FAM53A: variants seen among roughly 807,000 people sequenced by gnomAD.
FAM53A encodes the protein family with sequence similarity 53 member A, also known as protein FAM53A.
In FAM53A, 28 loss-of-function variants were observed where a neutral mutation model predicts 26.6. The ratio of observed to expected loss-of-function variants is 1.05; its 90% CI spans 0.78 to 1.45. The LOEUF is 1.45. Among genes scored for constraint, FAM53A ranks in the 40% most tolerant of loss-of-function variants. The pLI is 0.00. For synonymous variants in FAM53A, 290 were observed against 253.1 expected (o/e 1.15, Z -1.38); for missense variants, 650 against 575.8 (o/e 1.13, Z -1.32).
intron 1 of FAM53A, among the ~76,000 whole-genome samples, chr4:1,632,305 A>C (rs1715642757): frequency 6.6e-6 from 1 of 152,180 alleles, no homozygotes; most frequent in Admixed American, 6.5e-5. Context: ...GGACACAGAC[A>C]CACACAGAGA....
chr4:1,622,289 G>A (rs949857530), intron 1 of FAM53A, among the ~76,000 whole-genome samples: 2 of 152,182 alleles, frequency 1.3e-5, no homozygotes, highest in Non-Finnish European at 2.9e-5. Flanking sequence ...CCCCAGTGTG[G>A]GGGTGACGAC....
At chr4:1,634,983 G>C (rs1715776381), downstream of FAM53A, among the ~76,000 whole-genome samples, 1 of 151,876 alleles carries the variant, frequency 6.6e-6, no homozygotes, top group African/African-American at 2.4e-5. Flanking sequence ...TTTCATTCTG[G>C]TAAGTGGCTG....
the FAM53A span, among the ~76,000 whole-genome samples, chr4:1,597,276 T>C: frequency 1.3e-5 from 2 of 150,416 alleles, no homozygotes; most frequent in South Asian, 2.1e-4. Flanking sequence ...CTGCCTCTGC[T>C]CCTCCCCCCA....
the FAM53A span, among the ~76,000 whole-genome samples, chr4:1,581,828 C>G: frequency 6.6e-6 from 1 of 151,932 alleles, no homozygotes; most frequent in African/African-American, 2.4e-5. Context: ...CTCCTGACCT[C>G]AGGTGATCTG....
chr4:1,680,340 A>AAAC (rs1715347146), intron 1 of FAM53A, among the ~76,000 whole-genome samples: 1 of 151,062 alleles, frequency 6.6e-6, no homozygotes, highest in Non-Finnish European at 1.5e-5. Flanking sequence ...AAAAAAAAAA[A>AAAC]AAAAACACAC....
chr4:1,621,510 T>C (rs564683502), intron 1 of FAM53A, among the ~76,000 whole-genome samples: 1 of 152,270 alleles, frequency 6.6e-6, no homozygotes, highest in East Asian at 1.9e-4. Context: ...GCAAGGAAGG[T>C]TGGGAGGTGG....
chr4:1,575,355 A>G, the FAM53A span, among the ~76,000 whole-genome samples: 2 of 152,074 alleles, frequency 1.3e-5, no homozygotes, highest in African/African-American at 4.8e-5. Flanking sequence ...GCATCATCCA[A>G]TCTCCACTTG....
intron 1 of FAM53A, among the ~76,000 whole-genome samples, chr4:1,681,552 C>G (rs954667773): frequency 2.7e-5 from 4 of 147,796 alleles, no homozygotes; most frequent in Non-Finnish European, 6.0e-5. Flanking sequence ...CATGAAGCCT[C>G]TCTCTGTTGC....
the FAM53A span, among the ~76,000 whole-genome samples, chr4:1,595,104 G>A: frequency 6.6e-6 from 1 of 152,234 alleles, no homozygotes; most frequent in Non-Finnish European, 1.5e-5. Flanking sequence ...CAGGGACGGG[G>A]AGGCACAGAT....
chr4:1,673,705 G>A (rs986028200), intron 1 of FAM53A, among the ~76,000 whole-genome samples: 5 of 152,238 alleles, frequency 3.3e-5, no homozygotes, highest in African/African-American at 7.2e-5. Context: ...CTGCACTCCA[G>A]TGTGGTGACC....
rs149337006 is a variant in FAM53A at position 1,681,729 on chromosome 4, C to T, written c.-165+2504G>A. Among the ~76,000 whole-genome samples, 1,302 of 151,886 alleles carry T rather than the reference C, an allele frequency of 8.6e-3. 28 individuals are homozygous for T. The highest frequency in any genetic ancestry group is 0.045 in the Admixed American group (685 of 15,264). ...TGTTGCCCAGGCTGGTCTCCAACTC[C>T]TGGGCTCAAGTGATCCTCCTGCCTC... On this transcript the variant is annotated intron_variant, in intron 1 of 4. Coordinates refer to ENST00000308132, the MANE Select transcript of FAM53A (RefSeq NM_001174070.3).
At chr4:1,682,970 A>G (rs1308098109) in intron 1 of FAM53A, among the ~76,000 whole-genome samples, 1 of 152,226 alleles carries the variant, frequency 6.6e-6, no homozygotes, top group African/African-American at 2.4e-5. Context: ...CAACAGAGGG[A>G]CAAAGCTGCA....
At chr4:1,641,664 C>T in intron 4 of FAM53A, 57 bp from the exon 5 acceptor site, 1 of 1,579,616 alleles carries the variant, frequency 6.3e-7, no homozygotes, top group Non-Finnish European at 8.7e-7. Flanking sequence ...CAGGAGGCAG[C>T]ATCCCACCAA....
the FAM53A span, among the ~76,000 whole-genome samples, chr4:1,590,955 CATATATATAT>C: frequency 0.023 from 1,047 of 46,220 alleles, 33 homozygotes; most frequent in African/African-American, 0.042. Flanking sequence ...TTATTTAATG[CATATATATAT>C]ATATATATAT....
chr4:1,644,618 A>G, intron 4 of FAM53A: 1 of 421,972 alleles, frequency 2.4e-6, no homozygotes, highest in Non-Finnish European at 4.3e-6. Flanking sequence ...TGCTACCATC[A>G]CTCTGGTTGG....
At chr4:1,616,567 C>G (rs1311023146), downstream of FAM53A, among the ~76,000 whole-genome samples, 2 of 148,706 alleles carry the variant, frequency 1.3e-5, no homozygotes, top group African/African-American at 5.2e-5. Context: ...TGTGACTATT[C>G]TAGGAAAACA....
chr4:1,668,535 C>A (rs553618422), intron 2 of FAM53A, 132 bp downstream of exon 2: 2 of 890,244 alleles, frequency 2.2e-6, no homozygotes, highest in Admixed American at 4.6e-5. Context: ...ACCAGACACC[C>A]CCATCCCTGG....
intron 1 of FAM53A, among the ~76,000 whole-genome samples, chr4:1,631,180 G>C (rs1207587075): frequency 6.6e-6 from 1 of 152,258 alleles, no homozygotes; most frequent in Non-Finnish European, 1.5e-5. Flanking sequence ...TCACTTGAGA[G>C]GCATACGACT....
At chr4:1,676,779 C>A (rs1376456432) in intron 1 of FAM53A, among the ~76,000 whole-genome samples, 1 of 152,188 alleles carries the variant, frequency 6.6e-6, no homozygotes, top group Non-Finnish European at 1.5e-5. Context: ...AGCCCCACCC[C>A]ACACCTCCCA....
Sources: allele counts gnomAD v4.1 joint callset (sites outside exome capture counted in the v4.1 genomes callset), GRCh38; gene constraint gnomAD v4.1.1; transcripts MANE v1.5; gene names NCBI Gene and HGNC (gene_info 2026-07-23, HGNC 2026-07-21).